PPIG: variants seen among roughly 807,000 people sequenced by gnomAD.
PPIG encodes the protein peptidylprolyl isomerase G.
In PPIG, 26 loss-of-function variants were observed where a neutral mutation model predicts 87.9. That is an observed-to-expected ratio of 0.30 (90% CI 0.22 to 0.41). The LOEUF is 0.41. Among genes scored for constraint, PPIG ranks in the 10% least tolerant of loss-of-function variants. PPIG has a pLI of 1.00. For synonymous variants in PPIG, 308 were observed against 276.5 expected (o/e 1.11, Z -1.13); for missense variants, 722 against 879.4 (o/e 0.82, Z 2.26).
At chr2:169,611,150 A>G (rs1574450609) in intron 7 of PPIG, among the ~76,000 whole-genome samples, 1 of 152,352 alleles carries the variant, frequency 6.6e-6, no homozygotes, top group East Asian at 1.9e-4. Context: ...GGGTCGTGCC[A>G]CTACACTCCA....
chr2:169,587,071 G>A (rs1684724402), intron 1 of PPIG, among the ~76,000 whole-genome samples: 1 of 151,796 alleles, frequency 6.6e-6, no homozygotes, highest in Admixed American at 6.6e-5. Flanking sequence ...GTAGCTGGGA[G>A]TACAGGTGCC....
intron 1 of PPIG, among the ~76,000 whole-genome samples, chr2:169,586,112 A>G (rs547095715): frequency 3.0e-4 from 46 of 151,094 alleles, no homozygotes; most frequent in East Asian, 2.5e-3. Context: ...TTCTGTAACA[A>G]ATTACATGGT....
chr2:169,637,607 C>T lies in PPIG; in HGVS notation c.*84C>T, dbSNP rs2105526511. On this transcript the variant is annotated 3_prime_UTR_variant, in exon 14 of 14. Coordinates refer to ENST00000260970, the MANE Select transcript of PPIG (RefSeq NM_004792.3). ...AATGAATCTCCTTTATGTTGTTTTC[C>T]TTTTCATTGTTTTTGGATTGTTTTA... 2 of 1,291,450 alleles carry T rather than the reference C, an allele frequency of 1.5e-6. No homozygotes were observed. Among genetic ancestry groups the T allele is most frequent in the South Asian group, 3.8e-5 (2 of 52,616 alleles). The allele number at this position is 1,291,450 out of a possible 1,614,324, so 80.0% of individuals were successfully genotyped here.
chr2:169,604,645 G>C (rs966196637), intron 4 of PPIG, among the ~76,000 whole-genome samples: 2 of 152,038 alleles, frequency 1.3e-5, no homozygotes, highest in Non-Finnish European at 2.9e-5. Context: ...GGAGGCCGAG[G>C]GGGGTGGCTC....
chr2:169,615,635 G>C (rs982285569), intron 9 of PPIG, among the ~76,000 whole-genome samples: 2 of 152,130 alleles, frequency 1.3e-5, no homozygotes, highest in African/African-American at 4.8e-5. Flanking sequence ...TGTTGCTCCA[G>C]ATGACAGGCT....
At chr2:169,594,333 A>AAC (rs888281623) in intron 1 of PPIG, among the ~76,000 whole-genome samples, 6 of 151,602 alleles carry the variant, frequency 4.0e-5, no homozygotes, top group East Asian at 1.9e-4. Context: ...GCAAAAAAAA[A>AAC]AAAACGCATT....
At chr2:169,633,323 A>G (rs1019414643) in intron 12 of PPIG, 76 bp downstream of exon 12, 16 of 1,177,002 alleles carry the variant, frequency 1.4e-5, no homozygotes, top group African/African-American at 3.1e-5. Flanking sequence ...TGTTTCTTAA[A>G]TATTATTTTA....
chr2:169,619,532 T>A (rs1239084468), intron 9 of PPIG, among the ~76,000 whole-genome samples: 1 of 152,284 alleles, frequency 6.6e-6, no homozygotes, highest in East Asian at 1.9e-4. Flanking sequence ...TCTAAGAACT[T>A]GCTTTATGAA....
chr2:169,617,808 A>G (rs1277944995), intron 9 of PPIG, among the ~76,000 whole-genome samples: 2 of 152,140 alleles, frequency 1.3e-5, no homozygotes, highest in East Asian at 3.9e-4. Flanking sequence ...AACAGAGACA[A>G]TTTGACTTCC....
intron 4 of PPIG, 36 bp downstream of exon 4, chr2:169,604,297 T>A: frequency 7.0e-7 from 1 of 1,437,924 alleles, no homozygotes; most frequent in Middle Eastern, 2.5e-4. Context: ...AATAGTAGTC[T>A]CAGTTGACTA....
chr2:169,633,394 A>T (rs952220207), intron 12 of PPIG, 147 bp downstream of exon 12: 1 of 687,640 alleles, frequency 1.5e-6, no homozygotes, highest in African/African-American at 1.8e-5. Flanking sequence ...TCTCTTTCTT[A>T]AGCAGCTTCT....
intron 9 of PPIG, among the ~76,000 whole-genome samples, chr2:169,618,776 C>G (rs1275187360): frequency 6.6e-6 from 1 of 150,878 alleles, no homozygotes; most frequent in Non-Finnish European, 1.5e-5. Context: ...GACATCTGGC[C>G]AGAATCTATT....
Position 169,641,231 on chromosome 2 carries a change from G to GA in PPIG, c.*3715dup, listed in dbSNP as rs1345859016. 2 of 151,992 alleles carry GA rather than the reference G, an allele frequency of 1.3e-5. No homozygotes were observed. The highest frequency in any genetic ancestry group is 2.9e-5 in the Non-Finnish European group (2 of 67,946). The allele number at this position is 151,992 out of a possible 1,614,324, so 9.4% of individuals were successfully genotyped here. A position where few individuals can be genotyped will look rare whatever the true frequency, so the allele number is the denominator to read the frequency against. ...GATTATATTTTTTTAATGAAGTTTA[G>GA]AAAAAAAGCTGTTGTCTTCTCAATT... On this transcript the variant is annotated 3_prime_UTR_variant, in exon 14 of 14. Coordinates refer to ENST00000260970, the MANE Select transcript of PPIG (RefSeq NM_004792.3).
In PPIG at chr2:169,636,848, T is replaced by C. The variant is rs370303560; in HGVS notation, c.1590T>C (p.His530=). The C allele has an allele frequency of 2.4e-5, 38 of 1,613,568 alleles. No individual in the cohort carries two copies. The highest frequency in any genetic ancestry group is 3.1e-5 in the Non-Finnish European group (37 of 1,179,950). Residue 530 remains histidine (H), a synonymous_variant, in exon 14 of 14, where the codon CAT becomes CAC. Coordinates refer to ENST00000260970, the MANE Select transcript of PPIG (RefSeq NM_004792.3). ...AGTTAGAATCAAAGAGTAATGAGCA[T>C]GATCACAGTAAAAGTAAGGAAAAGG... ...SKQLESKSNE[H]DHSKSKEKDR...
intron 1 of PPIG, among the ~76,000 whole-genome samples, chr2:169,598,288 A>G (rs1362306006): frequency 6.6e-6 from 1 of 151,310 alleles, no homozygotes; most frequent in African/African-American, 2.4e-5. Flanking sequence ...CTAGCCTTTT[A>G]TTTTCTTTTT....
At chr2:169,611,144 C>T (rs7593309) in intron 7 of PPIG, among the ~76,000 whole-genome samples, 5 of 152,038 alleles carry the variant, frequency 3.3e-5, no homozygotes, top group East Asian at 1.9e-4. Context: ...GAGCCAGGGT[C>T]GTGCCACTAC....
At chr2:169,614,109 T>C (rs776417417) in intron 7 of PPIG, among the ~76,000 whole-genome samples, 5 of 152,236 alleles carry the variant, frequency 3.3e-5, no homozygotes, top group Non-Finnish European at 5.9e-5. Context: ...TAAATTTTGA[T>C]ATGTCTACAT....
At chr2:169,599,571 C>G (rs974343416) in intron 1 of PPIG, among the ~76,000 whole-genome samples, 8 of 152,048 alleles carry the variant, frequency 5.3e-5, no homozygotes, top group African/African-American at 1.9e-4. Flanking sequence ...TGAATATATT[C>G]AAGATTCTTG....
At chr2:169,590,497 C>G (rs1023671740) in intron 1 of PPIG, among the ~76,000 whole-genome samples, 4 of 152,010 alleles carry the variant, frequency 2.6e-5, no homozygotes, top group Non-Finnish European at 5.9e-5. Flanking sequence ...AAAAAATTAG[C>G]CGGGCGTGGT....
Sources: gnomAD v4.1 joint callset for allele counts (sites outside exome capture counted in the v4.1 genomes callset) on GRCh38, gnomAD v4.1.1 for gene constraint, MANE v1.5 for transcripts, NCBI Gene and HGNC (gene_info 2026-07-23, HGNC 2026-07-21) for gene names.